Variants in SLIT2 observed in about 807,000 individuals in gnomAD.
SLIT2 encodes the protein slit guidance ligand 2.
SLIT2 carries 41 observed loss-of-function variants against 185.7 expected under a neutral mutation model. The observed-to-expected ratio is 0.22, with a 90% confidence interval of 0.17 to 0.29. The LOEUF (loss-of-function observed/expected upper bound fraction) is 0.29, where lower values mean the gene tolerates loss of function less well. Ranked by LOEUF, SLIT2 falls within the 10% of genes least tolerant of loss-of-function variation. SLIT2 has a pLI of 1.00. For synonymous variants in SLIT2, 693 were observed against 680.2 expected, an observed-to-expected ratio of 1.02 and a Z score of -0.29; for missense variants, 1,571 against 1,909.0, an observed-to-expected ratio of 0.82 and a Z score of 3.30.
intron 4 of SLIT2, among the ~76,000 whole-genome samples, chr4:20,430,259 T>A (rs182949418): frequency 6.6e-6 from 1 of 152,312 alleles, no homozygotes; most frequent in East Asian, 1.9e-4. Context: ...ACCATTGGAG[T>A]TGCAGGCTCA....
chr4:20,507,549 TTATC>T (rs569919204), intron 9 of SLIT2, among the ~76,000 whole-genome samples: 1 of 151,820 alleles, frequency 6.6e-6, no homozygotes, highest in Non-Finnish European at 1.5e-5. Context: ...ATAAGATTAT[TTATC>T]AATAAAACTT....
chr4:20,298,255 AT>A (rs775343413), intron 4 of SLIT2, among the ~76,000 whole-genome samples: 5 of 151,762 alleles, frequency 3.3e-5, no homozygotes, highest in South Asian at 4.2e-4. Context: ...TGCCCGGCTA[AT>A]TTTTGTATTT....
chr4:20,316,513 A>G (rs909800929), intron 4 of SLIT2, among the ~76,000 whole-genome samples: 2 of 151,924 alleles, frequency 1.3e-5, no homozygotes, highest in African/African-American at 4.8e-5. Context: ...ATTTTAGTTT[A>G]ACAGGTCTCA....
At chr4:20,300,794 AC>A (rs1716968439) in intron 4 of SLIT2, among the ~76,000 whole-genome samples, 1 of 152,024 alleles carries the variant, frequency 6.6e-6, no homozygotes, top group Non-Finnish European at 1.5e-5. Context: ...CTTTTATGGA[AC>A]TCTTCCTATT....
At chr4:20,316,662 A>G (rs1056812997) in intron 4 of SLIT2, among the ~76,000 whole-genome samples, 40 of 151,522 alleles carry the variant, frequency 2.6e-4, no homozygotes, top group African/African-American at 7.7e-4. Context: ...TATGTTTTAT[A>G]TATTTGTAGT....
chr4:20,596,279 A>G (rs1027992403), intron 31 of SLIT2, 136 bp from the exon 32 acceptor site: 25 of 775,646 alleles, frequency 3.2e-5, no homozygotes, highest in Non-Finnish European at 4.9e-5. Context: ...TTTGTTTAAT[A>G]GTTAAGAATA....
intron 12 of SLIT2, among the ~76,000 whole-genome samples, chr4:20,522,455 A>G (rs866186357): frequency 6.6e-6 from 1 of 152,208 alleles, no homozygotes; most frequent in Admixed American, 6.5e-5. Context: ...GCAGGTCTGC[A>G]TAAAACAGTT....
At chr4:20,594,654 A>G (rs1290352827) in intron 30 of SLIT2, among the ~76,000 whole-genome samples, 4 of 152,096 alleles carry the variant, frequency 2.6e-5, no homozygotes, top group Non-Finnish European at 5.9e-5. Flanking sequence ...CAGCTATAAA[A>G]TCCTGCATCC....
intron 18 of SLIT2, among the ~76,000 whole-genome samples, chr4:20,535,375 C>A (rs1440700107): frequency 6.6e-6 from 1 of 151,888 alleles, no homozygotes; most frequent in Non-Finnish European, 1.5e-5. Context: ...GCGGCTGCAT[C>A]TAACCTTTTC....
At chr4:20,362,933 T>C (rs1198509691) in intron 4 of SLIT2, among the ~76,000 whole-genome samples, 1 of 142,748 alleles carries the variant, frequency 7.0e-6, no homozygotes. Context: ...GAAATTTTTT[T>C]TTTTAAAAAA....
intron 4 of SLIT2, among the ~76,000 whole-genome samples, chr4:20,409,993 A>G (rs1221768772): frequency 1.3e-5 from 2 of 152,154 alleles, no homozygotes; most frequent in East Asian, 3.9e-4. Context: ...ATGGATTGCA[A>G]AAGATTTCTC....
At position 20,254,696 on chromosome 4, in the gene SLIT2, C is replaced by T. The variant is rs1560256959; in HGVS notation, c.179+702C>T. Among the ~76,000 whole-genome samples, 1 of 152,124 alleles carries T rather than the reference C, an allele frequency of 6.6e-6. No individual in the cohort carries two copies. The highest frequency in any genetic ancestry group is 2.4e-5 in the African/African-American group (1 of 41,444). On this transcript the variant is annotated intron_variant, in intron 1 of 36. Transcript: ENST00000504154. The surrounding 1 kb of genome is among the most constrained non-coding windows in gnomAD (Gnocchi z 5.1). The stretch of plus-strand genomic sequence containing the variant: ...CTGCGAGGGAGGACCGTGTCCCATC[C>T]GTTAAGCGAAGTTAGCACTGGTTCT...
intron 34 of SLIT2, among the ~76,000 whole-genome samples, chr4:20,613,830 T>G (rs2148985320): frequency 6.6e-6 from 1 of 152,308 alleles, no homozygotes; most frequent in African/African-American, 2.4e-5. Flanking sequence ...TAACCTACCC[T>G]TGGGTTATCA....
chr4:20,309,157 C>T (rs575267524), intron 4 of SLIT2, among the ~76,000 whole-genome samples: 7 of 152,076 alleles, frequency 4.6e-5, no homozygotes, highest in African/African-American at 9.6e-5. Flanking sequence ...GTTGAAATAA[C>T]GTTTGCCAAA....
intron 4 of SLIT2, among the ~76,000 whole-genome samples, chr4:20,318,406 A>G (rs1718777760): frequency 6.6e-6 from 1 of 152,168 alleles, no homozygotes; most frequent in South Asian, 2.1e-4. Flanking sequence ...CATCAATACC[A>G]AAAGTAGAAT....
chr4:20,432,001 CTGTGTGTGTGTGTGCT>C (rs1210981495), intron 4 of SLIT2, among the ~76,000 whole-genome samples: 1 of 150,720 alleles, frequency 6.6e-6, no homozygotes, highest in Non-Finnish European at 1.5e-5. Context: ...CTCTCACTCT[CTGTGTGTGTGTGTGCT>C]TGTGTGTGTG....
chr4:20,447,043 A>C (rs1711881384), intron 4 of SLIT2, among the ~76,000 whole-genome samples: 1 of 152,218 alleles, frequency 6.6e-6, no homozygotes, highest in African/African-American at 2.4e-5. Flanking sequence ...GAAACGTCAC[A>C]GAAGAGTGGC....
chr4:20,523,067 C>T (rs28652800), intron 12 of SLIT2, among the ~76,000 whole-genome samples: 20,548 of 151,964 alleles, frequency 0.14, 1,447 homozygotes, highest in African/African-American at 0.15. Context: ...GAGAGGGGTG[C>T]GGGAGGCTGG....
At chr4:20,488,488 C>T (rs1374821859) in intron 7 of SLIT2, among the ~76,000 whole-genome samples, 1 of 152,144 alleles carries the variant, frequency 6.6e-6, no homozygotes. Context: ...TCTCCCACCC[C>T]ACCCCCATTG....
Sources: allele counts gnomAD v4.1 joint callset (sites outside exome capture counted in the v4.1 genomes callset), GRCh38; gene constraint gnomAD v4.1.1; non-coding constraint Gnocchi (gnomAD v3.1); transcripts MANE v1.5; gene names NCBI Gene and HGNC (gene_info 2026-07-23, HGNC 2026-07-21).